SLC22A2: variants seen among roughly 807,000 people sequenced by gnomAD.
The protein encoded by SLC22A2 is organic cation transporter 2.
A neutral mutation model predicts 60.5 loss-of-function variants in SLC22A2; 46 were observed. That is an observed-to-expected ratio of 0.76 (90% confidence interval 0.60 to 0.97). The LOEUF (loss-of-function observed/expected upper bound fraction) is 0.97, where lower values mean the gene tolerates loss of function less well. Ranked by LOEUF, SLC22A2 falls within the 50% of genes least tolerant of loss-of-function variation. The pLI is 0.00. For missense variants in SLC22A2, 701 were observed against 706.6 expected (o/e 0.99, Z 0.09); for synonymous variants, 303 against 267.0 (o/e 1.13, Z -1.31).
chr6:160,242,340 C>G lies in SLC22A2; in HGVS notation c.1342G>C (p.Glu448Gln). The G allele has an allele frequency of 6.2e-7, 1 of 1,610,902 alleles. No individual in the cohort carries two copies. The highest frequency in any genetic ancestry group is 1.3e-5 in the African/African-American group (1 of 74,970). ...LGRMGITMAY[E>Q]IVCLVNAELY... ...TCAGCATTGACCAGGCAGACTATCT[C>G]ATAGGCCATTGTGATCCCCATTCTT... The change falls in exon 8 of 11, where the codon GAG (glutamate) becomes CAG (glutamine). Residue 448 changes from glutamate (E) to glutamine (Q), a missense_variant. Coordinates refer to ENST00000366953, the MANE Select transcript of SLC22A2 (RefSeq NM_003058.4).
intron 10 of SLC22A2, among the ~76,000 whole-genome samples, chr6:160,221,639 T>C (rs1051407574): frequency 9.2e-4 from 140 of 152,286 alleles, no homozygotes; most frequent in African/African-American, 3.2e-3. Flanking sequence ...CTAGAGGGCA[T>C]TGTAGAGCTA....
At chr6:160,222,807 A>G (rs1782664796) in intron 10 of SLC22A2, among the ~76,000 whole-genome samples, 1 of 152,192 alleles carries the variant, frequency 6.6e-6, no homozygotes, top group African/African-American at 2.4e-5. Flanking sequence ...GCTCCTACAA[A>G]TTGCCAACAA....
In SLC22A2 at chr6:160,238,589, T is replaced by C. The variant is rs568273799; in HGVS notation, c.1501+2885A>G. On this transcript the variant is annotated intron_variant, in intron 9 of 10. Transcript: ENST00000366953. ...GACTTTCAGTCTTCTTTGATTATCG[T>C]TTTATGGCTATTTCAAGACCACAAT... Among the ~76,000 whole-genome samples the C allele has an allele frequency of 9.3e-4, 141 of 152,330 alleles. 2 individuals carry two copies. Among genetic ancestry groups the C allele is most frequent in the East Asian group, 7.7e-4 (4 of 5,184 alleles).
In SLC22A2 at chr6:160,256,606, C is replaced by T; in HGVS notation, c.518+8G>A. 6.3e-7 allele frequency: 1 copy of T among 1,585,012 alleles called. No homozygotes were observed. The highest frequency in any genetic ancestry group is 8.7e-7 in the Non-Finnish European group (1 of 1,153,572). On this transcript the variant is annotated splice_region_variant and intron_variant, in intron 2 of 10. Transcript: ENST00000366953. ...TGTTTAAATTCCACCACAGGTGATTCAACCTACCTGTCTGCTATGTAGCCG... is the reference window on the plus strand; with the variant it reads ...TGTTTAAATTCCACCACAGGTGATTTAACCTACCTGTCTGCTATGTAGCCG...
intron 9 of SLC22A2, among the ~76,000 whole-genome samples, chr6:160,230,868 C>T (rs1052145562): frequency 2.6e-5 from 4 of 151,956 alleles, no homozygotes; most frequent in African/African-American, 9.7e-5. Context: ...ATTGGACTGT[C>T]CAACTTGCCC....
At chr6:160,257,045 C>T (rs1032218850) in intron 1 of SLC22A2, among the ~76,000 whole-genome samples, 1 of 152,110 alleles carries the variant, frequency 6.6e-6, no homozygotes, top group African/African-American at 2.4e-5. Flanking sequence ...GCATTATAGG[C>T]GTGAGCCACT....
Position 160,258,647 on chromosome 6 carries a change from G to C in SLC22A2, c.111C>G (p.Tyr37Ter). The C allele has an allele frequency of 1.2e-6, 2 of 1,613,860 alleles. No homozygotes were observed. The highest frequency in any genetic ancestry group is 1.7e-6 in the Non-Finnish European group (2 of 1,179,934). Residue 37 changes from tyrosine to a stop codon, truncating the protein, a stop_gained, in exon 1 of 11, where the codon TAC (tyrosine) becomes TAG (stop). Transcript: ENST00000366953. LOFTEE classifies it high-confidence loss of function. ...ALLSATFAPI[Y>*]VGIVFLGFTP... The stretch of plus-strand genomic sequence containing the variant: ...TGAAGCCCAGGAAGACGATGCCCAC[G>C]TAGATGGGCGCGAAGGTAGCCGAGA...
intron 9 of SLC22A2, among the ~76,000 whole-genome samples, chr6:160,240,831 G>GGT (rs529446792): frequency 2.2e-3 from 336 of 152,250 alleles, no homozygotes; most frequent in Non-Finnish European, 3.3e-3. Flanking sequence ...GGTGCATTGA[G>GGT]GTGTTCCAGT....
chr6:160,258,538 T>G lies in SLC22A2; in HGVS notation c.220A>C (p.Thr74Pro). 2 of 1,614,026 alleles carry G rather than the reference T, an allele frequency of 1.2e-6. No individual in the cohort carries two copies. Among genetic ancestry groups the G allele is most frequent in the Non-Finnish European group, 1.7e-6 (2 of 1,179,972 alleles). ...GWSPAEELNY[T>P]VPGPGPAGEA... Reference sequence around the variant, plus strand: ...CCCGCAGGTCCTGGGCCCGGCACCGTGTAGTTCAGTTCCTCTGCAGGACTC... The same window carrying G: ...CCCGCAGGTCCTGGGCCCGGCACCGGGTAGTTCAGTTCCTCTGCAGGACTC... The change falls in exon 1 of 11, where the codon ACG (threonine) becomes CCG (proline). Residue 74 changes from threonine to proline, a missense_variant. Transcript: ENST00000366953.
intron 9 of SLC22A2, among the ~76,000 whole-genome samples, chr6:160,229,791 C>G (rs1320723132): frequency 1.3e-5 from 2 of 151,858 alleles, no homozygotes; most frequent in Non-Finnish European, 2.9e-5. Flanking sequence ...CAACTCTCAG[C>G]TGACCTAAAA....
intron 2 of SLC22A2, among the ~76,000 whole-genome samples, chr6:160,255,608 G>C (rs940124154): frequency 6.6e-6 from 1 of 151,868 alleles, no homozygotes; most frequent in Non-Finnish European, 1.5e-5. Context: ...AAAATTATAT[G>C]TTTGTGTATT....
Position 160,250,720 on chromosome 6 carries a change from A to C in SLC22A2, c.519-18T>G. 1 of 1,610,238 alleles carries C rather than the reference A, an allele frequency of 6.2e-7. No individual in the cohort carries two copies. Among genetic ancestry groups the C allele is most frequent in the Admixed American group, 1.7e-5 (1 of 59,816 alleles). Reference sequence around the variant, plus strand: ...GGCCAAACCTGCAGGAAGAAAAACAAAGAGAGGGAATTGAATTAATTTTGA... The same window carrying C: ...GGCCAAACCTGCAGGAAGAAAAACACAGAGAGGGAATTGAATTAATTTTGA... On this transcript the variant is annotated intron_variant, in intron 2 of 10. Coordinates refer to ENST00000366953, the MANE Select transcript of SLC22A2 (RefSeq NM_003058.4).
chr6:160,221,221 A>G (rs1386953634), intron 10 of SLC22A2, among the ~76,000 whole-genome samples: 1 of 152,204 alleles, frequency 6.6e-6, no homozygotes. Flanking sequence ...TTGCACTTTC[A>G]AGTTATGGAG....
In SLC22A2 at chr6:160,249,314, C is replaced by A. The variant is rs1256048005; in HGVS notation, c.744G>T (p.Gly248=). 6.2e-7 allele frequency: 1 copy of A among 1,613,288 alleles called. No homozygotes were observed. Among genetic ancestry groups the A allele is most frequent in the Non-Finnish European group, 8.5e-7 (1 of 1,179,484 alleles). The change falls in exon 4 of 11, where the codon GGG becomes GGT. Residue 248 remains glycine, a synonymous_variant. Transcript: ENST00000366953. ...AAGCCACCCCAGCTAGCACCAGGAGCCCAACTGTATAGGCAACTTGGTAAA... is the reference window on the plus strand; with the variant it reads ...AAGCCACCCCAGCTAGCACCAGGAGACCAACTGTATAGGCAACTTGGTAAA... ...GIFYQVAYTV[G]LLVLAGVAYA...
rs1782647422 is a variant in SLC22A2, at chr6:160,221,721, G to C, written c.1601+2984C>G. On this transcript the variant is annotated intron_variant, in intron 10 of 10. Coordinates refer to ENST00000366953, the MANE Select transcript of SLC22A2 (RefSeq NM_003058.4). ...GCCCAAGGAGAGGGAGAGAGATGGG[G>C]GAATGCTCAGTGTGTGGAACAGTTA... 2.0e-5 allele frequency among the ~76,000 whole-genome samples: 3 copies of C among 152,176 alleles called. 1 individual carries two copies. The highest frequency in any genetic ancestry group is 4.8e-5 in the African/African-American group (2 of 41,440).
At position 160,217,510 on chromosome 6, in the gene SLC22A2, A is replaced by C; in HGVS notation, c.1602-12T>G. 1 of 1,491,430 alleles carries C rather than the reference A, an allele frequency of 6.7e-7. No homozygotes were observed. The highest frequency in any genetic ancestry group is 9.3e-7 in the Non-Finnish European group (1 of 1,071,030). 92.4% of individuals were successfully genotyped at this position (1,491,430 alleles called of 1,614,324 possible). On this transcript the variant is annotated splice_polypyrimidine_tract_variant and intron_variant, in intron 10 of 10. Coordinates refer to ENST00000366953, the MANE Select transcript of SLC22A2 (RefSeq NM_003058.4). ...TATTTTTTCTTGGTCTGCAATAAGA[A>C]ATAAAAATGGAGAGGGGAGAAAGAA...
intron 9 of SLC22A2, among the ~76,000 whole-genome samples, chr6:160,238,744 A>G (rs1296185568): frequency 6.6e-6 from 1 of 152,212 alleles, no homozygotes; most frequent in Non-Finnish European, 1.5e-5. Context: ...TCAAGAATAA[A>G]ATTAGAATTG....
intron 10 of SLC22A2, among the ~76,000 whole-genome samples, chr6:160,220,698 T>C (rs1782630987): frequency 1.3e-5 from 2 of 152,240 alleles, no homozygotes; most frequent in South Asian, 4.1e-4. Flanking sequence ...TTAGCAGGCA[T>C]TAAAACAACA....
Position 160,243,732 on chromosome 6 carries a change from A to T in SLC22A2, c.1119T>A (p.Gly373=). The change falls in exon 7 of 11, where the codon GGT becomes GGA. Residue 373 remains glycine, a synonymous_variant. Coordinates refer to ENST00000366953, the MANE Select transcript of SLC22A2 (RefSeq NM_003058.4). ...AGAAGAAATCCAGGTAGATATTGTC[A>T]CCTGCAAGGCCCATGTGCATGATGA... is the stretch of plus-strand genomic sequence containing the variant. ...QGLIMHMGLA[G]DNIYLDFFYS... is the part of the protein sequence containing the mutation. The T allele has an allele frequency of 6.2e-7, 1 of 1,614,000 alleles. No homozygotes were observed. The highest frequency in any genetic ancestry group is 8.5e-7 in the Non-Finnish European group (1 of 1,179,940).
Sources: allele counts gnomAD v4.1 joint callset (sites outside exome capture counted in the v4.1 genomes callset), GRCh38; gene constraint gnomAD v4.1.1; transcripts MANE v1.5; gene names NCBI Gene and HGNC (gene_info 2026-07-23, HGNC 2026-07-21).